POU6F2: variants seen among roughly 807,000 people sequenced by gnomAD.
POU6F2 encodes POU domain, class 6, transcription factor 2.
POU6F2 carries 31 observed loss-of-function variants against 71.3 expected under a neutral mutation model. The ratio of observed to expected loss-of-function variants is 0.43; its 90% CI spans 0.33 to 0.59. The LOEUF (loss-of-function observed/expected upper bound fraction) is 0.59. Among genes scored for constraint, POU6F2 ranks in the 20% least tolerant of loss-of-function variants. POU6F2 has a pLI of 0.04. For missense variants in POU6F2, 783 were observed against 856.8 expected (o/e 0.91, Z 1.07); for synonymous variants, 347 against 355.7 (o/e 0.98, Z 0.27).
intron 2 of POU6F2, among the ~76,000 whole-genome samples, chr7:39,149,442 G>A (rs764607282): frequency 7.9e-5 from 12 of 152,020 alleles, no homozygotes; most frequent in African/African-American, 1.2e-4. Context: ...GATGTTATGC[G>A]ATACATAAAG....
At chr7:39,067,436 T>A (rs540883903) in intron 1 of POU6F2, among the ~76,000 whole-genome samples, 1 of 152,048 alleles carries the variant, frequency 6.6e-6, no homozygotes, top group East Asian at 1.9e-4. Context: ...TGGATAAAAA[T>A]TTTAAAATCT....
rs1269813403 is a variant in POU6F2 at position 39,466,320 on chromosome 7, A to G, written c.*1634A>G. On this transcript the variant is annotated 3_prime_UTR_variant, in exon 10 of 10. Transcript: ENST00000518318. ...TAACTTAAAAGATCTGTGGGCCACAATAACCTAATAAGCAAGGACATGTTG... is the reference window on the plus strand; with the variant it reads ...TAACTTAAAAGATCTGTGGGCCACAGTAACCTAATAAGCAAGGACATGTTG... 6.6e-6 allele frequency: 1 copy of G among 152,264 alleles called. No individual in the cohort carries two copies. Among genetic ancestry groups the G allele is most frequent in the African/African-American group, 2.4e-5 (1 of 41,468 alleles). 9.4% of individuals were successfully genotyped at this position (152,264 alleles called of 1,614,324 possible).
chr7:39,294,845 G>A lies in POU6F2; in HGVS notation c.599-44797G>A, dbSNP rs1784818507. On this transcript the variant is annotated intron_variant, in intron 4 of 9. Transcript: ENST00000518318. ...AAGATTGACTTGTATTTGACCCCAG[G>A]GAAGACCTCTTATGGGATGCTTGCT... Among the ~76,000 whole-genome samples the A allele has an allele frequency of 2.0e-5, 3 of 152,186 alleles. No individual in the cohort carries two copies. The South Asian group carries it at 6.2e-4, about 32-fold the overall frequency.
chr7:39,384,634 C>G (rs112206693), intron 5 of POU6F2, among the ~76,000 whole-genome samples: 8 of 152,224 alleles, frequency 5.3e-5, no homozygotes, highest in African/African-American at 1.9e-4. Flanking sequence ...CAGCACTGTT[C>G]TGCACCCAGA....
At chr7:39,145,886 T>A (rs543062845) in intron 2 of POU6F2, among the ~76,000 whole-genome samples, 1 of 152,332 alleles carries the variant, frequency 6.6e-6, no homozygotes, top group South Asian at 2.1e-4. Flanking sequence ...TGAGGAAGCT[T>A]ACCTGCACAG....
At chr7:39,017,320 TG>T (rs2128705812) in intron 1 of POU6F2, among the ~76,000 whole-genome samples, 1 of 152,338 alleles carries the variant, frequency 6.6e-6, no homozygotes, top group East Asian at 1.9e-4. Context: ...TATGTAGATT[TG>T]TTAGTGATTT....
chr7:39,396,898 TA>T (rs35808118), intron 5 of POU6F2, among the ~76,000 whole-genome samples: 48,257 of 141,042 alleles, frequency 0.34, 8,017 homozygotes, highest in East Asian at 0.59. Context: ...AACCAATCAT[TA>T]AAAAAAAAAA....
chr7:39,201,703 T>C (rs2128744985), intron 2 of POU6F2, among the ~76,000 whole-genome samples: 1 of 152,300 alleles, frequency 6.6e-6, no homozygotes, highest in South Asian at 2.1e-4. Flanking sequence ...CCCATTCAAG[T>C]TTGTGTTTTC....
At chr7:39,259,126 C>T (rs888385223) in intron 4 of POU6F2, among the ~76,000 whole-genome samples, 10 of 140,482 alleles carry the variant, frequency 7.1e-5, no homozygotes, top group African/African-American at 2.1e-4. Flanking sequence ...CTAGAAGCCA[C>T]ATTAAGCAAA....
At chr7:39,240,203 C>T (rs568649972) in intron 4 of POU6F2, among the ~76,000 whole-genome samples, 1 of 151,988 alleles carries the variant, frequency 6.6e-6, no homozygotes, top group Non-Finnish European at 1.5e-5. Flanking sequence ...TTAAGGTGGC[C>T]ATGTGCAAGG....
intron 4 of POU6F2, among the ~76,000 whole-genome samples, chr7:39,318,921 T>C (rs1785327587): frequency 6.6e-6 from 1 of 152,140 alleles, no homozygotes; most frequent in African/African-American, 2.4e-5. Flanking sequence ...GGCAGGAGGA[T>C]GGCTTGAGCC....
At chr7:39,131,727 A>T (rs1172843718) in intron 2 of POU6F2, among the ~76,000 whole-genome samples, 1 of 152,202 alleles carries the variant, frequency 6.6e-6, no homozygotes, top group Non-Finnish European at 1.5e-5. Flanking sequence ...TATTCAGGAA[A>T]TTACAACCTT....
At chr7:39,444,290 A>C (rs1425787767) in intron 7 of POU6F2, among the ~76,000 whole-genome samples, 1 of 152,214 alleles carries the variant, frequency 6.6e-6, no homozygotes, top group Non-Finnish European at 1.5e-5. Context: ...ATTCAGAAAA[A>C]AACCAGATGA....
At chr7:39,267,151 A>G (rs1784261366) in intron 4 of POU6F2, among the ~76,000 whole-genome samples, 1 of 152,216 alleles carries the variant, frequency 6.6e-6, no homozygotes, top group Non-Finnish European at 1.5e-5. Flanking sequence ...CTAGAAAACT[A>G]AAGAAGAGGC....
intron 1 of POU6F2, among the ~76,000 whole-genome samples, chr7:38,983,913 G>T (rs948940738): frequency 6.6e-6 from 1 of 152,040 alleles, no homozygotes; most frequent in Non-Finnish European, 1.5e-5. Context: ...CAGGTTGGCT[G>T]GTCTTCAGAA....
chr7:39,121,532 T>C (rs1221718825), intron 2 of POU6F2, among the ~76,000 whole-genome samples: 1 of 152,228 alleles, frequency 6.6e-6, no homozygotes, highest in Admixed American at 6.5e-5. Context: ...TTCTCGTTAT[T>C]ATTTCTCACT....
intron 3 of POU6F2, among the ~76,000 whole-genome samples, chr7:39,205,832 A>C (rs1453062693): frequency 1.3e-5 from 2 of 152,166 alleles, no homozygotes; most frequent in Non-Finnish European, 2.9e-5. Flanking sequence ...CCTGAAAGGA[A>C]CACTGCAGGG....
At chr7:39,373,606 G>A in intron 5 of POU6F2, 1 of 443,980 alleles carries the variant, frequency 2.3e-6, no homozygotes, top group South Asian at 1.6e-5. Flanking sequence ...CTAGCTAACT[G>A]TATGCATTTA....
chr7:39,274,975 C>T (rs1307090015), intron 4 of POU6F2, among the ~76,000 whole-genome samples: 4 of 151,560 alleles, frequency 2.6e-5, no homozygotes, highest in Admixed American at 2.0e-4. Flanking sequence ...GAAGCATTCC[C>T]TTTGAAAACT....
Sources: allele counts gnomAD v4.1 joint callset (sites outside exome capture counted in the v4.1 genomes callset), GRCh38; gene constraint gnomAD v4.1.1; transcripts MANE v1.5; gene names NCBI Gene and HGNC (gene_info 2026-07-23, HGNC 2026-07-21).